Variants in CNKSR2 observed in about 807,000 individuals in gnomAD.
CNKSR2 encodes connector enhancer of kinase suppressor of Ras 2.
Under a neutral mutation model 84.4 loss-of-function variants are expected in CNKSR2, and 14 were observed. That is an observed-to-expected ratio of 0.17 (90% CI 0.11 to 0.26). The LOEUF is 0.26. Among genes scored for constraint, CNKSR2 ranks in the 10% least tolerant of loss-of-function variants. The pLI is 1.00. For synonymous variants in CNKSR2, 275 were observed against 277.9 expected, an observed-to-expected ratio of 0.99 and a Z score of 0.10; for missense variants, 485 against 771.2, an observed-to-expected ratio of 0.63 and a Z score of 4.40.
At chrX:21,624,573 G>A (rs1187713197) in intron 20 of CNKSR2, among the ~76,000 whole-genome samples, 2 of 110,498 alleles carry the variant, frequency 1.8e-5, no homozygotes, top group Non-Finnish European at 3.8e-5. Context: ...GCGGTGGCGC[G>A]ATCACAGCTC....
At chrX:21,494,171 C>T (rs2091469814) in intron 6 of CNKSR2, 1 of 111,635 alleles carries the variant, frequency 9.0e-6, no homozygotes, top group South Asian at 3.7e-4. Flanking sequence ...CATAGCTATG[C>T]TGTTTCCATG....
chrX:21,513,396 T>C (rs2091695433), intron 8 of CNKSR2, among the ~76,000 whole-genome samples: 1 of 112,293 alleles, frequency 8.9e-6, no homozygotes, highest in African/African-American at 3.2e-5. Context: ...TTCATGTTTC[T>C]ACCCACTCTA....
chrX:21,641,098 C>T (rs775707976), intron 20 of CNKSR2, among the ~76,000 whole-genome samples: 5 of 111,790 alleles, frequency 4.5e-5, no homozygotes, highest in Non-Finnish European at 9.4e-5. Flanking sequence ...TTTCTTCATG[C>T]TTCTTGATTA....
intron 13 of CNKSR2, among the ~76,000 whole-genome samples, chrX:21,564,651 G>A (rs894479911): frequency 3.6e-5 from 4 of 111,617 alleles, no homozygotes; most frequent in African/African-American, 6.5e-5. Flanking sequence ...CATTCAAAAT[G>A]TGAAAGATTT....
chrX:21,541,276 C>T (rs892975117), intron 11 of CNKSR2, among the ~76,000 whole-genome samples: 7 of 111,520 alleles, frequency 6.3e-5, no homozygotes, highest in Admixed American at 5.7e-4. Context: ...CCACCACGCC[C>T]GGCCTGAAAA....
At chrX:21,457,936 G>C (rs2091014725) in intron 4 of CNKSR2, among the ~76,000 whole-genome samples, 1 of 112,177 alleles carries the variant, frequency 8.9e-6, no homozygotes, top group Admixed American at 9.4e-5. Flanking sequence ...AAGAGAATTG[G>C]TTTCATTGTA....
intron 5 of CNKSR2, among the ~76,000 whole-genome samples, chrX:21,486,718 A>T (rs1416184662): frequency 8.9e-6 from 1 of 111,803 alleles, no homozygotes; most frequent in African/African-American, 3.2e-5. Context: ...CTATTTTATG[A>T]TTTTCTTTTT....
At chrX:21,487,187 T>C (rs1477125496) in intron 5 of CNKSR2, among the ~76,000 whole-genome samples, 1 of 112,004 alleles carries the variant, frequency 8.9e-6, no homozygotes, top group Non-Finnish European at 1.9e-5. Flanking sequence ...TAGCAAGCAT[T>C]TGGCAAACAA....
At chrX:21,470,727 G>C in intron 4 of CNKSR2, 39 bp from the exon 5 acceptor site, 1 of 665,427 alleles carries the variant, frequency 1.5e-6, no homozygotes, top group Non-Finnish European at 2.2e-6. Context: ...AAGAATGCTT[G>C]ATATTTTGAA....
Position 21,602,007 on chromosome X carries a change from C to T in CNKSR2, c.2044+658C>T, listed in dbSNP as rs771763811. On this transcript the variant is annotated intron_variant, in intron 18 of 21. Coordinates refer to ENST00000379510, the MANE Select transcript of CNKSR2 (RefSeq NM_014927.5). ...ATCCACAGATTGACATACTTATAAA[C>T]ACAAACCTATTCGTAGTTGTGTCTT... Among the ~76,000 whole-genome samples, 6 of 112,427 alleles carry T rather than the reference C, an allele frequency of 5.3e-5. No individual in the cohort carries two copies. The East Asian group carries it at 1.7e-3, about 31-fold the overall frequency.
At chrX:21,416,398 T>C (rs1356314645) in intron 1 of CNKSR2, among the ~76,000 whole-genome samples, 1 of 111,486 alleles carries the variant, frequency 9.0e-6, no homozygotes, top group Non-Finnish European at 1.9e-5. Context: ...TGGCCTGTAG[T>C]TTTCTTTTTT....
intron 1 of CNKSR2, among the ~76,000 whole-genome samples, chrX:21,418,933 G>A (rs895087699): frequency 1.8e-5 from 2 of 110,412 alleles, no homozygotes; most frequent in East Asian, 2.9e-4. Context: ...CTTAGGTATC[G>A]ATGTATTTCT....
intron 8 of CNKSR2, among the ~76,000 whole-genome samples, chrX:21,507,987 A>G (rs1194270294): frequency 8.9e-6 from 1 of 112,024 alleles, no homozygotes; most frequent in African/African-American, 3.2e-5. Flanking sequence ...GAAATTTAAT[A>G]ACTTAATAAC....
chrX:21,434,206 A>G (rs1450777021), intron 3 of CNKSR2, among the ~76,000 whole-genome samples: 4 of 111,494 alleles, frequency 3.6e-5, no homozygotes, highest in African/African-American at 6.5e-5. Flanking sequence ...TGCATTTAGT[A>G]AATTCATTTA....
intron 13 of CNKSR2, among the ~76,000 whole-genome samples, chrX:21,566,948 T>C (rs1486459729): frequency 8.9e-6 from 1 of 112,025 alleles, no homozygotes; most frequent in Non-Finnish European, 1.9e-5. Context: ...CTAGTTCATA[T>C]ATATTTTTCT....
At chrX:21,569,677 T>C (rs1446187232) in intron 13 of CNKSR2, among the ~76,000 whole-genome samples, 1 of 112,497 alleles carries the variant, frequency 8.9e-6, no homozygotes, top group African/African-American at 3.2e-5. Context: ...TTTGCCCAGA[T>C]CCATCAGAGG....
intron 6 of CNKSR2, among the ~76,000 whole-genome samples, chrX:21,496,398 A>G (rs891947691): frequency 8.9e-6 from 1 of 111,810 alleles, no homozygotes; most frequent in African/African-American, 3.2e-5. Flanking sequence ...GAATATTACC[A>G]TGTTGTCATA....
intron 10 of CNKSR2, among the ~76,000 whole-genome samples, chrX:21,529,704 A>G (rs1191278320): frequency 1.8e-5 from 2 of 110,930 alleles, no homozygotes; most frequent in Non-Finnish European, 3.8e-5. Flanking sequence ...ATACACATAC[A>G]CACATTTACA....
intron 1 of CNKSR2, among the ~76,000 whole-genome samples, chrX:21,390,163 A>C (rs2090028863): frequency 8.9e-6 from 1 of 112,154 alleles, no homozygotes; most frequent in Non-Finnish European, 1.9e-5. Context: ...TGGGAATGTT[A>C]AGCAAGGCAT....
Sources: allele counts gnomAD v4.1 joint callset (sites outside exome capture counted in the v4.1 genomes callset), GRCh38; gene constraint gnomAD v4.1.1; transcripts MANE v1.5; gene names NCBI Gene and HGNC (gene_info 2026-07-23, HGNC 2026-07-21).